The following CYP39A1 variants were observed in gnomAD, a reference collection of about 807,000 sequenced individuals.
The protein encoded by CYP39A1 is cytochrome P450 family 39 subfamily A member 1, also known as 24-hydroxycholesterol 7-alpha-hydroxylase.
In CYP39A1, 49 loss-of-function variants were observed where a neutral mutation model predicts 58.1. That is an observed-to-expected ratio of 0.84 (90% CI 0.67 to 1.07). The LOEUF (loss-of-function observed/expected upper bound fraction) is 1.07. CYP39A1 is among the 50% of genes least tolerant of loss of function. The pLI is 0.00. For missense variants in CYP39A1, 531 were observed against 539.4 expected, an observed-to-expected ratio of 0.98 and a Z score of 0.16; for synonymous variants, 209 against 187.6, an observed-to-expected ratio of 1.11 and a Z score of -0.93.
intron 7 of CYP39A1, among the ~76,000 whole-genome samples, chr6:46,610,323 A>C (rs796116911): frequency 1.3e-5 from 2 of 152,224 alleles, no homozygotes; most frequent in African/African-American, 2.4e-5. Flanking sequence ...AATTAGGGTG[A>C]ATCTGGCCTT....
In CYP39A1 at chr6:46,616,238, C is replaced by T. The variant is rs867793168; in HGVS notation, c.931+9180G>A. On this transcript the variant is annotated intron_variant, in intron 7 of 11. Transcript: ENST00000275016. ...TCCCTCCCTCCCTCCCTCCCTCCCT[C>T]CCTCCCTTCCTTCCTTCCTTTCTTC... Among the ~76,000 whole-genome samples the T allele has an allele frequency of 4.1e-3, 155 of 38,202 alleles. 15 individuals carry two copies. The highest frequency in any genetic ancestry group is 0.015 in the African/African-American group (79 of 5,394). 25.1% of individuals were successfully genotyped at this position (38,202 alleles called of 152,430 possible). A position where few individuals can be genotyped will look rare whatever the true frequency, so the allele number is the denominator to read the frequency against.
rs760574259 is a variant in CYP39A1, at chr6:46,550,398, G to A, written c.1378C>T (p.Gln460Ter). ...HLVGVPQPEG[Q>*]CRIEYKQRI Reference sequence around the variant, plus strand: ...CTTTGTTTATATTCAATTCGGCATTGCCCTTCCGGCTGGGGGACACCCACC... The same window carrying A: ...CTTTGTTTATATTCAATTCGGCATTACCCTTCCGGCTGGGGGACACCCACC... Residue 460 changes from glutamine to a stop codon, truncating the protein, a stop_gained, in exon 12 of 12, where the codon CAA becomes TAA. Coordinates refer to ENST00000275016, the MANE Select transcript of CYP39A1 (RefSeq NM_016593.5). LOFTEE classifies it high-confidence loss of function. 1 of 1,612,412 alleles carries A rather than the reference G, an allele frequency of 6.2e-7. No homozygotes were observed. Among genetic ancestry groups the A allele is most frequent in the Admixed American group, 1.7e-5 (1 of 59,740 alleles).
chr6:46,571,744 G>A (rs1175087499), intron 10 of CYP39A1, among the ~76,000 whole-genome samples: 5 of 151,554 alleles, frequency 3.3e-5, no homozygotes, highest in African/African-American at 1.2e-4. Context: ...ATTAATTATA[G>A]GTAAGAACTC....
At chr6:46,596,931 C>A (rs1387957786) in intron 7 of CYP39A1, among the ~76,000 whole-genome samples, 1 of 152,098 alleles carries the variant, frequency 6.6e-6, no homozygotes, top group African/African-American at 2.4e-5. Context: ...AAGTCAACAA[C>A]AATATTGTCA....
intron 10 of CYP39A1, among the ~76,000 whole-genome samples, chr6:46,577,641 C>G (rs1362358058): frequency 1.3e-5 from 2 of 152,050 alleles, no homozygotes; most frequent in East Asian, 3.9e-4. Context: ...TTACTTCAAA[C>G]AGAAGAGACT....
chr6:46,564,546 G>A (rs1268396989), intron 10 of CYP39A1, among the ~76,000 whole-genome samples: 1 of 152,116 alleles, frequency 6.6e-6, no homozygotes, highest in African/African-American at 2.4e-5. Context: ...AGGCCAGAAG[G>A]AAGGAGGAGT....
chr6:46,642,388 T>C (rs893461679), intron 1 of CYP39A1, 90 bp from the exon 2 acceptor site: 55 of 1,255,226 alleles, frequency 4.4e-5, no homozygotes, highest in South Asian at 3.2e-4. Flanking sequence ...GCTGAAGTTA[T>C]AGTCAAAAGA....
intron 7 of CYP39A1, among the ~76,000 whole-genome samples, chr6:46,615,330 A>G (rs1325883094): frequency 1.3e-5 from 2 of 151,900 alleles, no homozygotes; most frequent in East Asian, 3.9e-4. Context: ...ACATATATTT[A>G]TATATGCACA....
intron 7 of CYP39A1, among the ~76,000 whole-genome samples, chr6:46,604,952 A>T (rs768717938): frequency 6.6e-6 from 1 of 152,028 alleles, no homozygotes; most frequent in Non-Finnish European, 1.5e-5. Context: ...GAGGAGAAAG[A>T]ATTGCATTGG....
At chr6:46,643,870 C>G in intron 1 of CYP39A1, among the ~76,000 whole-genome samples, 1 of 152,186 alleles carries the variant, frequency 6.6e-6, no homozygotes, top group African/African-American at 2.4e-5. Context: ...CAGGCACACA[C>G]GGTATGTTGT....
chr6:46,566,499 G>A (rs1771290277), intron 10 of CYP39A1, among the ~76,000 whole-genome samples: 2 of 152,102 alleles, frequency 1.3e-5, no homozygotes, highest in Admixed American at 1.3e-4. Flanking sequence ...CAGATCTCGT[G>A]AGAACTCACT....
At chr6:46,646,049 C>T (rs1252097855) in intron 1 of CYP39A1, among the ~76,000 whole-genome samples, 1 of 152,016 alleles carries the variant, frequency 6.6e-6, no homozygotes, top group Non-Finnish European at 1.5e-5. Flanking sequence ...CATAGACAAT[C>T]ATGTAATCTG....
intron 11 of CYP39A1, among the ~76,000 whole-genome samples, chr6:46,552,444 A>C (rs1236790011): frequency 6.6e-6 from 1 of 152,226 alleles, no homozygotes; most frequent in African/African-American, 2.4e-5. Flanking sequence ...AAATGCTGAA[A>C]TGTGCATATT....
chr6:46,596,370 C>G (rs1156825880), intron 7 of CYP39A1, among the ~76,000 whole-genome samples: 1 of 152,052 alleles, frequency 6.6e-6, no homozygotes, highest in Non-Finnish European at 1.5e-5. Context: ...TGGTATCCAA[C>G]TTAGGTTCCC....
intron 10 of CYP39A1, among the ~76,000 whole-genome samples, chr6:46,559,828 A>G (rs1420405839): frequency 6.6e-6 from 1 of 152,194 alleles, no homozygotes; most frequent in Middle Eastern, 3.2e-3. Context: ...CTTAGATTAT[A>G]CACTAAGAGT....
chr6:46,640,876 G>T (rs577770343), intron 2 of CYP39A1, among the ~76,000 whole-genome samples: 1 of 149,088 alleles, frequency 6.7e-6, no homozygotes, highest in Non-Finnish European at 1.5e-5. Context: ...ATCCTATTAC[G>T]TGTAAGATAC....
intron 7 of CYP39A1, among the ~76,000 whole-genome samples, chr6:46,612,317 TTA>T (rs1347993592): frequency 6.6e-6 from 1 of 152,194 alleles, no homozygotes; most frequent in Non-Finnish European, 1.5e-5. Context: ...ACCCTAGTCA[TTA>T]TGGCTAGGTT....
chr6:46,559,906 T>G (rs1267321963), intron 10 of CYP39A1, among the ~76,000 whole-genome samples: 1 of 152,202 alleles, frequency 6.6e-6, no homozygotes, highest in Non-Finnish European at 1.5e-5. Context: ...CCTTATGTGC[T>G]TTATATACTT....
intron 6 of CYP39A1, among the ~76,000 whole-genome samples, chr6:46,629,560 T>G (rs1775524369): frequency 1.3e-5 from 2 of 152,230 alleles, no homozygotes; most frequent in South Asian, 4.1e-4. Context: ...GAGGCCAGAA[T>G]TTCTATCCCT....
Sources: allele counts gnomAD v4.1 joint callset (sites outside exome capture counted in the v4.1 genomes callset), GRCh38; gene constraint gnomAD v4.1.1; transcripts MANE v1.5; gene names NCBI Gene and HGNC (gene_info 2026-07-23, HGNC 2026-07-21).